Variants in CCDC13 observed in about 807,000 individuals in gnomAD.
CCDC13 encodes coiled-coil domain-containing protein 13.
A neutral mutation model predicts 87.3 loss-of-function variants in CCDC13; 70 were observed. The ratio of observed to expected loss-of-function variants is 0.80; its 90% CI spans 0.66 to 0.98. CCDC13 has a LOEUF of 0.98. Ranked by LOEUF, CCDC13 falls within the 50% of genes least tolerant of loss-of-function variation. The pLI is 0.00. For synonymous variants in CCDC13, 317 were observed against 360.3 expected (o/e 0.88, Z 1.36); for missense variants, 842 against 892.0 (o/e 0.94, Z 0.71).
chr3:42,756,181 C>T (rs1699699885), intron 3 of CCDC13, among the ~76,000 whole-genome samples: 1 of 152,188 alleles, frequency 6.6e-6, no homozygotes, highest in Admixed American at 6.5e-5. Context: ...CTGAGTCAGC[C>T]CTGTTGCTCT....
intron 13 of CCDC13, among the ~76,000 whole-genome samples, chr3:42,723,839 A>C (rs1321297677): frequency 6.6e-6 from 1 of 152,248 alleles, no homozygotes; most frequent in African/African-American, 2.4e-5. Context: ...CAGTGGATTT[A>C]TACAATAAAA....
rs149919313 is a variant in CCDC13, at chr3:42,741,588, T to C, written c.987+1308A>G. Among the ~76,000 whole-genome samples, 319 of 152,202 alleles carry C rather than the reference T, an allele frequency of 2.1e-3. 1 individual carries two copies. The highest frequency in any genetic ancestry group is 3.8e-3 in the Non-Finnish European group (256 of 68,016). ...CCTGTCTCTACTAAATATATAAAAA[T>C]TAGCCGGGCATGGTGGCAGGTGCCT... On this transcript the variant is annotated intron_variant, in intron 8 of 15. Coordinates refer to ENST00000310232, the MANE Select transcript of CCDC13 (RefSeq NM_144719.4).
intron 10 of CCDC13, among the ~76,000 whole-genome samples, chr3:42,734,138 G>A (rs563580117): frequency 6.6e-6 from 1 of 152,164 alleles, no homozygotes; most frequent in South Asian, 2.1e-4. Context: ...GATACCTGCT[G>A]GGGCTGGACT....
chr3:42,726,154 G>A (rs1490179038), intron 13 of CCDC13, among the ~76,000 whole-genome samples: 2 of 152,080 alleles, frequency 1.3e-5, no homozygotes, highest in Non-Finnish European at 2.9e-5. Context: ...AAGCAATTCT[G>A]CTTCAGCCTC....
intron 13 of CCDC13, among the ~76,000 whole-genome samples, chr3:42,714,538 G>T (rs1159242474): frequency 6.6e-6 from 1 of 152,168 alleles, no homozygotes; most frequent in East Asian, 1.9e-4. Flanking sequence ...CTTGAGCTTA[G>T]GTCCTTCCTG....
intron 3 of CCDC13, among the ~76,000 whole-genome samples, chr3:42,755,980 T>G (rs1443503276): frequency 6.6e-6 from 1 of 152,098 alleles, no homozygotes; most frequent in Non-Finnish European, 1.5e-5. Context: ...TAGCCAGGCT[T>G]TGTGTTTTTT....
intron 1 of CCDC13, among the ~76,000 whole-genome samples, chr3:42,765,393 C>A (rs750426009): frequency 3.3e-5 from 5 of 152,062 alleles, no homozygotes; most frequent in Non-Finnish European, 7.4e-5. Flanking sequence ...GGGCTGTGGC[C>A]AGGGTGTCTA....
At position 42,757,187 on chromosome 3, in the gene CCDC13, A is replaced by G; in HGVS notation, c.249T>C (p.Leu83=). Reference sequence around the variant, plus strand: ...CCACCGTTTCCCTGAGCTCATTTCGAAGGTGTTCAATCTCATCTTCAAGCA... The same window carrying G: ...CCACCGTTTCCCTGAGCTCATTTCGGAGGTGTTCAATCTCATCTTCAAGCA... The part of the protein sequence containing the change: ...KRVLEDEIEH[L]RNELRETVDE... Residue 83 remains leucine, a synonymous_variant, in exon 3 of 16, where the codon CTT becomes CTC. Coordinates refer to ENST00000310232, the MANE Select transcript of CCDC13 (RefSeq NM_144719.4). The G allele has an allele frequency of 6.2e-7, 1 of 1,614,102 alleles. No individual in the cohort carries two copies. Among genetic ancestry groups the G allele is most frequent in the Non-Finnish European group, 8.5e-7 (1 of 1,180,008 alleles).
intron 14 of CCDC13, among the ~76,000 whole-genome samples, chr3:42,712,755 C>G (rs907521555): frequency 1.3e-5 from 2 of 152,204 alleles, no homozygotes; most frequent in Non-Finnish European, 2.9e-5. Flanking sequence ...ATCAACTTGA[C>G]CATTGCAGGA....
At chr3:42,720,289 G>A (rs77626034) in intron 13 of CCDC13, among the ~76,000 whole-genome samples, 3,088 of 152,290 alleles carry the variant, frequency 0.02, 98 homozygotes, top group African/African-American at 0.07. Flanking sequence ...GAAATGTTGT[G>A]TAATTTGAAG....
At chr3:42,748,543 TC>T (rs1410349059) in intron 5 of CCDC13, among the ~76,000 whole-genome samples, 1 of 152,140 alleles carries the variant, frequency 6.6e-6, no homozygotes, top group African/African-American at 2.4e-5. Context: ...AAACAAAATC[TC>T]CTCTGAATGC....
intron 3 of CCDC13, among the ~76,000 whole-genome samples, chr3:42,755,205 G>T (rs1257613467): frequency 6.6e-6 from 1 of 151,988 alleles, no homozygotes; most frequent in African/African-American, 2.4e-5. Flanking sequence ...CTAAAAAACT[G>T]TACGAAAAAT....
intron 7 of CCDC13, chr3:42,745,672 C>T (rs973424892): frequency 1.8e-5 from 6 of 332,652 alleles, no homozygotes. Flanking sequence ...AAACCAAAGG[C>T]GTTGGCATTT....
chr3:42,730,042 C>T (rs1267341834), intron 13 of CCDC13, among the ~76,000 whole-genome samples: 1 of 152,192 alleles, frequency 6.6e-6, no homozygotes, highest in Admixed American at 6.5e-5. Context: ...TCCCTGCCTC[C>T]CCAGCTATCA....
chr3:42,715,702 T>C (rs1348352950), intron 13 of CCDC13, among the ~76,000 whole-genome samples: 1 of 152,212 alleles, frequency 6.6e-6, no homozygotes, highest in African/African-American at 2.4e-5. Context: ...TCTTAAACTG[T>C]ATTGGTCAGT....
At chr3:42,711,178 G>A (rs905014510) in intron 14 of CCDC13, among the ~76,000 whole-genome samples, 1 of 150,110 alleles carries the variant, frequency 6.7e-6, no homozygotes, top group African/African-American at 2.5e-5. Context: ...CCAGGGAGGT[G>A]GAGGTTGCAG....
At chr3:42,733,971 G>A (rs921299742) in intron 10 of CCDC13, among the ~76,000 whole-genome samples, 1 of 152,176 alleles carries the variant, frequency 6.6e-6, no homozygotes, top group Non-Finnish European at 1.5e-5. Flanking sequence ...AACACCAGGT[G>A]TGACTTGAGG....
At chr3:42,762,689 C>T (rs1194366661) in intron 1 of CCDC13, among the ~76,000 whole-genome samples, 1 of 152,182 alleles carries the variant, frequency 6.6e-6, no homozygotes, top group Non-Finnish European at 1.5e-5. Context: ...CTGGACTCTG[C>T]CCTATGTGTC....
chr3:42,710,108 T>C (rs1454169222), intron 14 of CCDC13, among the ~76,000 whole-genome samples: 1 of 150,806 alleles, frequency 6.6e-6, no homozygotes, highest in African/African-American at 2.5e-5. Context: ...TTTTCTTTTT[T>C]TTTTCTTTTT....
Sources: gnomAD v4.1 joint callset for allele counts (sites outside exome capture counted in the v4.1 genomes callset) on GRCh38, gnomAD v4.1.1 for gene constraint, MANE v1.5 for transcripts, NCBI Gene and HGNC (gene_info 2026-07-23, HGNC 2026-07-21) for gene names.